GRB10: variants seen among roughly 807,000 people sequenced by gnomAD.
GRB10 encodes growth factor receptor-bound protein 10.
In GRB10, 20 loss-of-function variants were observed where a neutral mutation model predicts 80.9. That is an observed-to-expected ratio of 0.25 (90% confidence interval 0.17 to 0.36). The LOEUF is 0.36. Among genes scored for constraint, GRB10 ranks in the 10% least tolerant of loss-of-function variants. The pLI is 1.00. For synonymous variants in GRB10, 291 were observed against 291.5 expected (o/e 1.00, Z 0.02); for missense variants, 548 against 747.7 (o/e 0.73, Z 3.12).
chr7:50,605,969 G>A (rs3807549), intron 14 of GRB10, among the ~76,000 whole-genome samples: 43,047 of 152,138 alleles, frequency 0.28, 7,117 homozygotes, highest in East Asian at 0.47. Context: ...TGAATGCAGC[G>A]TTAATAGTCA....
At chr7:50,619,925 T>C (rs1159214515) in intron 8 of GRB10, among the ~76,000 whole-genome samples, 2 of 151,908 alleles carry the variant, frequency 1.3e-5, no homozygotes, top group African/African-American at 2.4e-5. Context: ...TGTGGACACG[T>C]ACACACACAC....
At chr7:50,739,736 C>T (rs73113830) in intron 3 of GRB10, among the ~76,000 whole-genome samples, 12,715 of 152,198 alleles carry the variant, frequency 0.084, 899 homozygotes, top group Admixed American at 0.19. Context: ...GGGTCACCAA[C>T]TTCAGTTGGA....
chr7:50,597,129 G>C (rs1055634090), intron 17 of GRB10, among the ~76,000 whole-genome samples: 1 of 152,310 alleles, frequency 6.6e-6, no homozygotes, highest in Admixed American at 6.5e-5. Context: ...TTTTACTACA[G>C]GACTTCTCAG....
intron 7 of GRB10, among the ~76,000 whole-genome samples, chr7:50,648,908 TCGGG>T (rs1263910358): frequency 6.6e-6 from 1 of 152,120 alleles, no homozygotes; most frequent in Non-Finnish European, 1.5e-5. Flanking sequence ...CTCAATGTGG[TCGGG>T]CTAGCTCCTG....
At chr7:50,724,083 G>A (rs960866452) in intron 4 of GRB10, among the ~76,000 whole-genome samples, 7 of 152,184 alleles carry the variant, frequency 4.6e-5, no homozygotes, top group African/African-American at 1.7e-4. Flanking sequence ...CAGTGGACTC[G>A]CACGTTCCAG....
intron 2 of GRB10, among the ~76,000 whole-genome samples, chr7:50,760,206 T>C (rs1478685150): frequency 6.6e-6 from 1 of 152,164 alleles, no homozygotes; most frequent in Non-Finnish European, 1.5e-5. Flanking sequence ...AGAGGCAGGA[T>C]AAATATACAT....
chr7:50,770,788 T>G (rs2076914124), intron 2 of GRB10, among the ~76,000 whole-genome samples: 1 of 152,176 alleles, frequency 6.6e-6, no homozygotes, highest in African/African-American at 2.4e-5. Context: ...AAATACAGCT[T>G]TTTTCCATAA....
chr7:50,615,313 C>T (rs1350288453), intron 11 of GRB10, among the ~76,000 whole-genome samples: 1 of 152,212 alleles, frequency 6.6e-6, no homozygotes, highest in Non-Finnish European at 1.5e-5. Context: ...CTCCTCAACT[C>T]TCCAGCCCAG....
At chr7:50,659,121 T>A (rs1002835753) in intron 7 of GRB10, among the ~76,000 whole-genome samples, 3 of 152,244 alleles carry the variant, frequency 2.0e-5, no homozygotes, top group African/African-American at 7.2e-5. Flanking sequence ...ATGTTTCAGA[T>A]GCTCTAGCTT....
At chr7:50,628,183 G>C (rs925823125) in intron 7 of GRB10, among the ~76,000 whole-genome samples, 1 of 152,200 alleles carries the variant, frequency 6.6e-6, no homozygotes, top group Admixed American at 6.5e-5. Context: ...AAACACGTGC[G>C]TTCTCTGAAT....
chr7:50,618,086 T>C lies in GRB10; in HGVS notation c.831A>G (p.Gln277=), dbSNP rs1394132144. Residue 277 remains glutamine, a synonymous_variant, in exon 10 of 19, where the codon CAA becomes CAG. Transcript: ENST00000401949. ...GGCCCAGTACCTGCAAAAGCTGGGT[T>C]TGACTGCCATTTGACTGCTGGCACC... is the stretch of plus-strand genomic sequence containing the variant. ...VTWCQQSNGS[Q]TQLLQNFLNS... The C allele has an allele frequency of 6.2e-7, 1 of 1,613,996 alleles. No individual in the cohort carries two copies. Among genetic ancestry groups the C allele is most frequent in the Admixed American group, 1.7e-5 (1 of 60,024 alleles).
chr7:50,636,812 G>A (rs888673946), intron 7 of GRB10, among the ~76,000 whole-genome samples: 4 of 151,782 alleles, frequency 2.6e-5, no homozygotes, highest in African/African-American at 9.7e-5. Context: ...TTCCCCCTAA[G>A]AACTGGAATA....
intron 4 of GRB10, among the ~76,000 whole-genome samples, chr7:50,714,135 T>C (rs1307860810): frequency 3.3e-5 from 5 of 151,908 alleles, no homozygotes; most frequent in African/African-American, 1.2e-4. Context: ...AAAAGGCAAC[T>C]ATTCAGACAC....
intron 5 of GRB10, among the ~76,000 whole-genome samples, chr7:50,697,447 C>T (rs922666998): frequency 6.6e-6 from 1 of 152,080 alleles, no homozygotes; most frequent in Non-Finnish European, 1.5e-5. Flanking sequence ...AACTGTCACA[C>T]AAAAATAAGC....
chr7:50,730,204 C>T (rs1206270775), intron 4 of GRB10, among the ~76,000 whole-genome samples: 2 of 152,220 alleles, frequency 1.3e-5, no homozygotes, highest in African/African-American at 2.4e-5. Context: ...CCCTCCCCAA[C>T]TGCTGCCCTC....
chr7:50,791,396 C>A (rs746775698), intron 1 of GRB10, among the ~76,000 whole-genome samples: 1 of 152,080 alleles, frequency 6.6e-6, no homozygotes, highest in South Asian at 2.1e-4. Flanking sequence ...CATACCTGAC[C>A]CACGCCATTT....
chr7:50,647,555 T>C (rs1207311764), intron 7 of GRB10, among the ~76,000 whole-genome samples: 1 of 152,198 alleles, frequency 6.6e-6, no homozygotes, highest in Non-Finnish European at 1.5e-5. Flanking sequence ...TTATGGAACT[T>C]CATTCAAGTA....
At chr7:50,656,236 G>A (rs2237454) in intron 7 of GRB10, among the ~76,000 whole-genome samples, 51,924 of 152,066 alleles carry the variant, frequency 0.34, 9,863 homozygotes, top group South Asian at 0.44. Context: ...ACATGTGAGG[G>A]GTTTAGACAA....
chr7:50,701,327 C>T (rs1312165905), intron 5 of GRB10, among the ~76,000 whole-genome samples: 3 of 152,206 alleles, frequency 2.0e-5, no homozygotes, highest in Non-Finnish European at 4.4e-5. Flanking sequence ...CCAGGCACTG[C>T]AGCTCACACA....
Sources: gnomAD v4.1 joint callset for allele counts (sites outside exome capture counted in the v4.1 genomes callset) on GRCh38, gnomAD v4.1.1 for gene constraint, MANE v1.5 for transcripts, NCBI Gene and HGNC (gene_info 2026-07-23, HGNC 2026-07-21) for gene names.